The following GRIK1 variants were observed in gnomAD, a reference collection of about 807,000 sequenced individuals.
GRIK1 encodes glutamate receptor ionotropic, kainate 1.
A neutral mutation model predicts 105.7 loss-of-function variants in GRIK1; 69 were observed. That is an observed-to-expected ratio of 0.65 (90% confidence interval 0.54 to 0.80). The LOEUF (loss-of-function observed/expected upper bound fraction) is 0.80. Ranked by LOEUF, GRIK1 falls within the 30% of genes least tolerant of loss-of-function variation. GRIK1 has a pLI of 0.00. For missense variants in GRIK1, 1,109 were observed against 1,167.3 expected (o/e 0.95, Z 0.73); for synonymous variants, 438 against 431.3 (o/e 1.02, Z -0.19).
At chr21:29,642,512 A>C (rs363593) in intron 7 of GRIK1, among the ~76,000 whole-genome samples, 82,215 of 152,134 alleles carry the variant, frequency 0.54, 25,649 homozygotes, top group African/African-American at 0.87. Context: ...ACTCAGTGGG[A>C]CATGGAAGAA....
chr21:29,692,634 T>A (rs1213902419), intron 2 of GRIK1, among the ~76,000 whole-genome samples: 1 of 151,896 alleles, frequency 6.6e-6, no homozygotes, highest in Non-Finnish European at 1.5e-5. Flanking sequence ...AGTGCAGTGG[T>A]GCAATCTTGG....
intron 1 of GRIK1, among the ~76,000 whole-genome samples, chr21:29,893,495 G>T (rs1176700973): frequency 1.3e-5 from 2 of 152,120 alleles, no homozygotes; most frequent in African/African-American, 2.4e-5. Context: ...CTGTGCCTCA[G>T]TTCCTTCTTT....
chr21:29,550,384 C>T (rs550519276), intron 16 of GRIK1, among the ~76,000 whole-genome samples: 2 of 152,238 alleles, frequency 1.3e-5, no homozygotes, highest in East Asian at 3.9e-4. Context: ...AGTGGCTCTA[C>T]CTCTGCAATC....
intron 1 of GRIK1, among the ~76,000 whole-genome samples, chr21:29,785,887 G>T (rs2145799275): frequency 6.6e-6 from 1 of 152,286 alleles, no homozygotes; most frequent in Non-Finnish European, 1.5e-5. Context: ...AGCCTATATT[G>T]CCTCTGTCAG....
chr21:29,561,385 C>G (rs2090476337), intron 15 of GRIK1, among the ~76,000 whole-genome samples: 1 of 150,676 alleles, frequency 6.6e-6, no homozygotes, highest in Non-Finnish European at 1.5e-5. Context: ...TCTATATATT[C>G]TTAAACATGT....
intron 1 of GRIK1, among the ~76,000 whole-genome samples, chr21:29,778,939 T>A (rs1280392267): frequency 6.6e-6 from 1 of 152,202 alleles, no homozygotes; most frequent in African/African-American, 2.4e-5. Flanking sequence ...TTATACTAAT[T>A]CAAAATGATT....
intron 1 of GRIK1, among the ~76,000 whole-genome samples, chr21:29,885,435 T>G (rs1188999072): frequency 1.3e-5 from 2 of 152,050 alleles, no homozygotes; most frequent in Non-Finnish European, 2.9e-5. Context: ...AATTCCTTCC[T>G]AGAGATCTGC....
At chr21:29,893,722 C>A (rs2069996897) in intron 1 of GRIK1, among the ~76,000 whole-genome samples, 1 of 152,190 alleles carries the variant, frequency 6.6e-6, no homozygotes, top group African/African-American at 2.4e-5. Context: ...GACACAGCTC[C>A]TTCCCTCAAG....
intron 13 of GRIK1, 35 bp from the exon 14 acceptor site, chr21:29,577,216 ACAGT>A (rs752370256): frequency 2.3e-5 from 27 of 1,199,552 alleles, no homozygotes; most frequent in South Asian, 3.7e-5. Flanking sequence ...GGTGTTAAAC[ACAGT>A]CAGAAGGAAA....
intron 1 of GRIK1, among the ~76,000 whole-genome samples, chr21:29,916,076 C>T (rs910911745): frequency 4.0e-5 from 6 of 151,868 alleles, no homozygotes; most frequent in African/African-American, 1.4e-4. Flanking sequence ...TCTTATATTT[C>T]CTGTTTATTA....
At chr21:29,654,626 A>G (rs1457745192) in intron 5 of GRIK1, among the ~76,000 whole-genome samples, 184 bp downstream of exon 5, 1 of 120,218 alleles carries the variant, frequency 8.3e-6, no homozygotes, top group Non-Finnish European at 1.7e-5. Context: ...AGAAAGAAAG[A>G]AAGAGAAAGA....
At chr21:29,920,550 C>G (rs2071158575) in intron 1 of GRIK1, among the ~76,000 whole-genome samples, 1 of 152,032 alleles carries the variant, frequency 6.6e-6, no homozygotes, top group South Asian at 2.1e-4. Flanking sequence ...AACCATGACC[C>G]TCTCATTAAT....
At chr21:29,750,424 G>T (rs189122966) in intron 1 of GRIK1, among the ~76,000 whole-genome samples, 1 of 152,128 alleles carries the variant, frequency 6.6e-6, no homozygotes, top group Non-Finnish European at 1.5e-5. Flanking sequence ...CAACAGTGAC[G>T]ACAGGAGGCA....
intron 1 of GRIK1, among the ~76,000 whole-genome samples, chr21:29,824,699 C>T (rs1031216887): frequency 6.7e-6 from 1 of 149,352 alleles, no homozygotes; most frequent in African/African-American, 2.6e-5. Context: ...AGTCATTGCA[C>T]GTGAATTCAG....
chr21:29,584,754 G>T (rs1327394769), intron 12 of GRIK1, among the ~76,000 whole-genome samples: 1 of 152,080 alleles, frequency 6.6e-6, no homozygotes, highest in Admixed American at 6.6e-5. Flanking sequence ...TGTTTTTCAT[G>T]TCCACTTCCC....
intron 1 of GRIK1, among the ~76,000 whole-genome samples, chr21:29,911,073 T>G (rs2070798377): frequency 6.6e-6 from 1 of 152,102 alleles, no homozygotes; most frequent in Non-Finnish European, 1.5e-5. Context: ...GTGTGTTAAG[T>G]ATTGTGCTTG....
intron 15 of GRIK1, among the ~76,000 whole-genome samples, chr21:29,560,096 A>G (rs1225117592): frequency 6.6e-6 from 1 of 152,108 alleles, no homozygotes; most frequent in Non-Finnish European, 1.5e-5. Flanking sequence ...TAATACCAAC[A>G]AGCAAATCAA....
At chr21:29,925,509 G>C (rs1265695377) in intron 1 of GRIK1, among the ~76,000 whole-genome samples, 3 of 152,128 alleles carry the variant, frequency 2.0e-5, no homozygotes, top group Non-Finnish European at 4.4e-5. Flanking sequence ...AATAGTAAAT[G>C]ACAGAGAGGG....
chr21:29,639,363 A>G (rs2062462584), intron 7 of GRIK1, among the ~76,000 whole-genome samples: 1 of 152,216 alleles, frequency 6.6e-6, no homozygotes, highest in Non-Finnish European at 1.5e-5. Flanking sequence ...AAACAAACAC[A>G]ATAGCATACC....
Sources: gnomAD v4.1 joint callset for allele counts (sites outside exome capture counted in the v4.1 genomes callset) on GRCh38, gnomAD v4.1.1 for gene constraint, MANE v1.5 for transcripts, NCBI Gene and HGNC (gene_info 2026-07-23, HGNC 2026-07-21) for gene names.